The following KCNS3 variants were observed in gnomAD, a reference collection of about 807,000 sequenced individuals.
KCNS3 encodes the protein potassium voltage-gated channel modifier subfamily S member 3.
Under a neutral mutation model 31.0 loss-of-function variants are expected in KCNS3, and 13 were observed. That is an observed-to-expected ratio of 0.42 (90% CI 0.27 to 0.67). The LOEUF (loss-of-function observed/expected upper bound fraction) is 0.67, where lower values mean the gene tolerates loss of function less well. Ranked by LOEUF, KCNS3 falls within the 30% of genes least tolerant of loss-of-function variation. The probability of loss-of-function intolerance (pLI) is 0.25; values close to 1 mark genes in which losing one functional copy is unlikely to be tolerated. For synonymous variants in KCNS3, 238 were observed against 241.5 expected (o/e 0.99, Z 0.13); for missense variants, 545 against 622.4 (o/e 0.88, Z 1.32).
At chr2:17,903,705 G>T (rs537379802) in intron 1 of KCNS3, among the ~76,000 whole-genome samples, 3 of 152,070 alleles carry the variant, frequency 2.0e-5, no homozygotes, top group East Asian at 1.9e-4. Context: ...AGAACATGCG[G>T]TGTTTGGTTT....
intron 1 of KCNS3, among the ~76,000 whole-genome samples, chr2:17,887,505 A>ATCTATCTG (rs1661695676): frequency 6.6e-6 from 1 of 151,548 alleles, no homozygotes; most frequent in African/African-American, 2.4e-5. Context: ...CTATCTATCT[A>ATCTATCTG]TCTATCTATC....
chr2:17,916,819 C>A (rs1662601545), intron 1 of KCNS3, among the ~76,000 whole-genome samples: 2 of 124,114 alleles, frequency 1.6e-5, no homozygotes, highest in Admixed American at 1.8e-4. Context: ...ACTGGCCTAG[C>A]CAGAGGCACT....
At chr2:17,879,748 C>G (rs1024216723) in intron 1 of KCNS3, among the ~76,000 whole-genome samples, 4 of 152,172 alleles carry the variant, frequency 2.6e-5, no homozygotes, top group Non-Finnish European at 5.9e-5. Context: ...TGTCTCCCCC[C>G]GGTTTTGTCT....
intron 2 of KCNS3, among the ~76,000 whole-genome samples, chr2:17,920,268 T>TA (rs1662680558): frequency 6.6e-6 from 1 of 152,252 alleles, no homozygotes; most frequent in South Asian, 2.1e-4. Context: ...TTCTGTCCAG[T>TA]AAGACAAATT....
At chr2:17,905,818 A>T (rs1277398198) in intron 1 of KCNS3, among the ~76,000 whole-genome samples, 1 of 152,136 alleles carries the variant, frequency 6.6e-6, no homozygotes, top group Non-Finnish European at 1.5e-5. Flanking sequence ...AGCCCACTTG[A>T]TCATGGTGGG....
At chr2:17,900,228 T>G (rs1180860481) in intron 1 of KCNS3, among the ~76,000 whole-genome samples, 1 of 152,190 alleles carries the variant, frequency 6.6e-6, no homozygotes, top group Non-Finnish European at 1.5e-5. Context: ...GGCCTACCTT[T>G]GCAGAGCTCA....
chr2:17,908,219 A>G (rs1028966269), intron 1 of KCNS3, among the ~76,000 whole-genome samples: 8 of 152,100 alleles, frequency 5.3e-5, no homozygotes, highest in Admixed American at 2.0e-4. Flanking sequence ...TTAATCTTCA[A>G]TCACTGATAC....
chr2:17,887,975 T>C (rs991116477), intron 1 of KCNS3, among the ~76,000 whole-genome samples: 4 of 152,244 alleles, frequency 2.6e-5, no homozygotes, highest in Non-Finnish European at 5.9e-5. Context: ...ATATCTTCTT[T>C]TGAGAATTGT....
chr2:17,904,408 T>C (rs1431107612), intron 1 of KCNS3, among the ~76,000 whole-genome samples: 1 of 152,176 alleles, frequency 6.6e-6, no homozygotes, highest in East Asian at 1.9e-4. Flanking sequence ...ATTCTGTAGG[T>C]TGCCTGTTCA....
Position 17,922,387 on chromosome 2 carries a change from TAAATAG to T in KCNS3, c.-60+4524_-60+4529del, listed in dbSNP as rs1662739321. Among the ~76,000 whole-genome samples, 6 of 152,280 alleles carry T rather than the reference TAAATAG, an allele frequency of 3.9e-5. No homozygotes were observed. In the South Asian group the frequency reaches 1.0e-3, roughly 26 times the overall value. On this transcript the variant is annotated intron_variant, in intron 2 of 2. Coordinates refer to ENST00000304101, the MANE Select transcript of KCNS3 (RefSeq NM_002252.5). ...TTTTTATTATAATTTTAAAAAATGA[TAAATAG>T]AAATAGAGTCTCACTGTGTTGTCAA... is the stretch of plus-strand genomic sequence containing the variant.
At chr2:17,908,784 G>T (rs977819081) in intron 1 of KCNS3, among the ~76,000 whole-genome samples, 5 of 152,220 alleles carry the variant, frequency 3.3e-5, no homozygotes, top group Non-Finnish European at 5.9e-5. Context: ...GAATATTGCT[G>T]AACAGCAAAT....
chr2:17,917,120 C>T (rs1256226905), intron 1 of KCNS3, among the ~76,000 whole-genome samples: 1 of 152,142 alleles, frequency 6.6e-6, no homozygotes, highest in Non-Finnish European at 1.5e-5. Context: ...TAACCACACA[C>T]ATAAACTGTG....
intron 1 of KCNS3, among the ~76,000 whole-genome samples, chr2:17,893,916 C>T (rs1038632101): frequency 6.7e-6 from 1 of 148,612 alleles, no homozygotes; most frequent in Non-Finnish European, 1.5e-5. Flanking sequence ...TCCTTCCTCC[C>T]CTCTGCCATG....
At chr2:17,907,937 C>T (rs1164536429) in intron 1 of KCNS3, among the ~76,000 whole-genome samples, 1 of 152,084 alleles carries the variant, frequency 6.6e-6, no homozygotes, top group Admixed American at 6.6e-5. Flanking sequence ...AATTGTGTGT[C>T]TTGGAGTTGC....
At chr2:17,921,911 GTGTGTATA>G (rs1456704052) in intron 2 of KCNS3, among the ~76,000 whole-genome samples, 1,413 of 100,110 alleles carry the variant, frequency 0.014, 12 homozygotes, top group Middle Eastern at 0.029. Context: ...ATGTGTGTGT[GTGTGTATA>G]TATATATATA....
intron 1 of KCNS3, among the ~76,000 whole-genome samples, chr2:17,885,058 A>G (rs541840723): frequency 6.6e-6 from 1 of 152,006 alleles, no homozygotes; most frequent in Admixed American, 6.5e-5. Flanking sequence ...TTATAAATTG[A>G]ATTAGCAGAA....
chr2:17,901,017 G>A lies in KCNS3; in HGVS notation c.-251-16663G>A, dbSNP rs1662160503. Among the ~76,000 whole-genome samples, 3 of 152,160 alleles carry A rather than the reference G, an allele frequency of 2.0e-5. No homozygotes were observed. The South Asian group carries it at 6.2e-4, about 32-fold the overall frequency. ...ATGCTTTATAAATAGGGAAACTGAA[G>A]CTCAAAGAACCTAAATGACTGACCC... On this transcript the variant is annotated intron_variant, in intron 1 of 2. Coordinates refer to ENST00000304101, the MANE Select transcript of KCNS3 (RefSeq NM_002252.5).
chr2:17,907,913 T>C (rs1455081077), intron 1 of KCNS3, among the ~76,000 whole-genome samples: 1 of 152,180 alleles, frequency 6.6e-6, no homozygotes, highest in Non-Finnish European at 1.5e-5. Context: ...CATTTCAACT[T>C]TGGTGGATCT....
chr2:17,881,627 T>C (rs1558444062), intron 1 of KCNS3, among the ~76,000 whole-genome samples: 1 of 152,334 alleles, frequency 6.6e-6, no homozygotes, highest in East Asian at 1.9e-4. Context: ...ACTGAGTAAC[T>C]TGTACAAGGT....
Sources: gnomAD v4.1 joint callset for allele counts (sites outside exome capture counted in the v4.1 genomes callset) on GRCh38, gnomAD v4.1.1 for gene constraint, MANE v1.5 for transcripts, NCBI Gene and HGNC (gene_info 2026-07-23, HGNC 2026-07-21) for gene names.